The following ANO10 variants were observed in gnomAD, a reference collection of about 807,000 sequenced individuals.
ANO10 encodes anoctamin 10.
ANO10 carries 77 observed loss-of-function variants against 74.7 expected under a neutral mutation model. That is an observed-to-expected ratio of 1.03 (90% CI 0.86 to 1.25). The LOEUF is 1.25. Among genes scored for constraint, ANO10 ranks in the 50% most tolerant of loss-of-function variants. The pLI is 0.00. For missense variants in ANO10, 721 were observed against 778.1 expected (o/e 0.93, Z 0.87); for synonymous variants, 279 against 284.9 (o/e 0.98, Z 0.21).
chr3:43,681,151 A>C (rs2084192103), intron 1 of ANO10, among the ~76,000 whole-genome samples: 1 of 152,180 alleles, frequency 6.6e-6, no homozygotes, highest in Non-Finnish European at 1.5e-5. Flanking sequence ...ATAAAGACTC[A>C]AGACCCATCA....
At chr3:43,491,880 GTTT>G (rs1051486141) in intron 11 of ANO10, among the ~76,000 whole-genome samples, 7 of 152,040 alleles carry the variant, frequency 4.6e-5, no homozygotes, top group African/African-American at 1.7e-4. Context: ...AATTTATTAC[GTTT>G]TTAAGTGAAA....
At chr3:43,480,156 T>C (rs2076212214) in intron 11 of ANO10, among the ~76,000 whole-genome samples, 1 of 152,086 alleles carries the variant, frequency 6.6e-6, no homozygotes, top group African/African-American at 2.4e-5. Context: ...GAAATACAGT[T>C]GAGAAAATCT....
chr3:43,633,410 A>G (rs2083570906), intron 1 of ANO10, among the ~76,000 whole-genome samples: 1 of 152,198 alleles, frequency 6.6e-6, no homozygotes, highest in South Asian at 2.1e-4. Flanking sequence ...CCAAATAATC[A>G]AAGACACTAT....
At chr3:43,607,933 A>T (rs2082639740) in intron 1 of ANO10, among the ~76,000 whole-genome samples, 1 of 152,164 alleles carries the variant, frequency 6.6e-6, no homozygotes, top group African/African-American at 2.4e-5. Flanking sequence ...ACAGGCACAA[A>T]GAAAATATCT....
chr3:43,554,655 C>T (rs1004515934), intron 10 of ANO10, among the ~76,000 whole-genome samples: 10 of 152,106 alleles, frequency 6.6e-5, no homozygotes, highest in African/African-American at 2.4e-4. Flanking sequence ...GTCCAGGTTC[C>T]CCATGTAGAA....
intron 12 of ANO10, among the ~76,000 whole-genome samples, chr3:43,420,465 G>GAAAAAC (rs955010782): frequency 6.8e-6 from 1 of 147,784 alleles, no homozygotes; most frequent in Non-Finnish European, 1.5e-5. Flanking sequence ...AAAAGAAAAA[G>GAAAAAC]AAAAACAAAA....
At chr3:43,556,489 T>C (rs943417582) in intron 9 of ANO10, among the ~76,000 whole-genome samples, 1 of 152,200 alleles carries the variant, frequency 6.6e-6, no homozygotes, top group Non-Finnish European at 1.5e-5. Flanking sequence ...CTCGGGGTGA[T>C]TCTGAGTGAT....
In ANO10 at chr3:43,415,085, G is replaced by A. The variant is rs541153361; in HGVS notation, c.1914+17526C>T. Among the ~76,000 whole-genome samples, 277 of 144,820 alleles carry A rather than the reference G, an allele frequency of 1.9e-3. 1 individual carries two copies. The highest frequency in any genetic ancestry group is 6.6e-3 in the African/African-American group (259 of 39,062). ...CACCTCCTGGGTTCAAGAGATTCTCGTTCCTGAGCCTCCTGAGTAGCTGGG... is the reference window on the plus strand; with the variant it reads ...CACCTCCTGGGTTCAAGAGATTCTCATTCCTGAGCCTCCTGAGTAGCTGGG... On this transcript the variant is annotated intron_variant, in intron 12 of 12. Coordinates refer to ENST00000292246, the MANE Select transcript of ANO10 (RefSeq NM_018075.5).
intron 11 of ANO10, among the ~76,000 whole-genome samples, chr3:43,520,083 T>C (rs2077882782): frequency 1.3e-5 from 2 of 152,152 alleles, no homozygotes; most frequent in Non-Finnish European, 2.9e-5. Flanking sequence ...GGTCTCCTGA[T>C]ACCCACATGG....
chr3:43,530,409 T>C (rs557031839), intron 11 of ANO10, among the ~76,000 whole-genome samples: 1 of 149,396 alleles, frequency 6.7e-6, no homozygotes, highest in African/African-American at 2.4e-5. Flanking sequence ...ATATATTTCT[T>C]ATATAAAACA....
chr3:43,581,203 T>C (rs1011043637), intron 4 of ANO10, among the ~76,000 whole-genome samples: 2 of 152,222 alleles, frequency 1.3e-5, no homozygotes, highest in Non-Finnish European at 2.9e-5. Context: ...TAAGAAAATG[T>C]TCAGTTCTTT....
intron 4 of ANO10, among the ~76,000 whole-genome samples, chr3:43,595,372 A>C (rs1283151574): frequency 2.0e-5 from 3 of 152,156 alleles, no homozygotes; most frequent in South Asian, 2.1e-4. Flanking sequence ...CAACAAAATA[A>C]TGGCAAAGTG....
intron 1 of ANO10, chr3:43,638,956 C>T (rs2083641644): frequency 6.6e-6 from 1 of 152,264 alleles, no homozygotes; most frequent in African/African-American, 2.4e-5. Flanking sequence ...CATCTGAAGG[C>T]TTGACTCAGG....
intron 2 of ANO10, among the ~76,000 whole-genome samples, chr3:43,601,933 A>G (rs2082352510): frequency 6.6e-6 from 1 of 152,132 alleles, no homozygotes; most frequent in Non-Finnish European, 1.5e-5. Context: ...CTGGTGCCAC[A>G]CCTTAAGATC....
intron 11 of ANO10, among the ~76,000 whole-genome samples, chr3:43,541,702 G>T (rs2078963827): frequency 6.6e-6 from 1 of 152,170 alleles, no homozygotes; most frequent in Non-Finnish European, 1.5e-5. Context: ...AAGAGTTAAA[G>T]TAACTCTACT....
chr3:43,610,551 G>A (rs2082767960), intron 1 of ANO10, among the ~76,000 whole-genome samples: 1 of 152,148 alleles, frequency 6.6e-6, no homozygotes, highest in African/African-American at 2.4e-5. Context: ...CATGAATACT[G>A]TGTTACACTA....
intron 7 of ANO10, among the ~76,000 whole-genome samples, chr3:43,567,078 T>G (rs1358853697): frequency 6.6e-6 from 1 of 151,990 alleles, no homozygotes; most frequent in East Asian, 1.9e-4. Flanking sequence ...GAAGAAAGGG[T>G]ATCGGCAATG....
At position 43,565,732 on chromosome 3, in the gene ANO10, CA is replaced by C. The variant is rs367784953; in HGVS notation, c.1219-6del. 0.2 allele frequency: 241,958 copies of C among 1,185,124 alleles called. 22 individuals are homozygous for C. Among genetic ancestry groups the C allele is most frequent in the Non-Finnish European group, 0.22 (194,140 of 900,352 alleles). The allele number at this position is 1,185,124 out of a possible 1,614,324, so 73.4% of individuals were successfully genotyped here. On this transcript the variant is annotated splice_region_variant and splice_polypyrimidine_tract_variant and intron_variant, in intron 7 of 12. Transcript: ENST00000292246. ...AAAGCAATTGAGGAAGTTGAACTGC[CA>C]AAAAAAAAAAAAAAAAAGATAAGTG...
chr3:43,581,645 G>C (rs779985610), intron 4 of ANO10, among the ~76,000 whole-genome samples: 6 of 152,122 alleles, frequency 3.9e-5, no homozygotes, highest in Non-Finnish European at 8.8e-5. Context: ...ATTTGGCCAG[G>C]CACAGTGACT....
Sources: gnomAD v4.1 joint callset for allele counts (sites outside exome capture counted in the v4.1 genomes callset) on GRCh38, gnomAD v4.1.1 for gene constraint, MANE v1.5 for transcripts, NCBI Gene and HGNC (gene_info 2026-07-23, HGNC 2026-07-21) for gene names.